NFIA: variants seen among roughly 807,000 people sequenced by gnomAD.
NFIA encodes nuclear factor I A.
In NFIA, 8 loss-of-function variants were observed where a neutral mutation model predicts 62.8. That is an observed-to-expected ratio of 0.13 (90% CI 0.07 to 0.23). The LOEUF (loss-of-function observed/expected upper bound fraction) is 0.23. NFIA is among the 10% of genes least tolerant of loss of function. The probability of loss-of-function intolerance (pLI) is 1.00; values close to 1 mark genes in which losing one functional copy is unlikely to be tolerated. For missense variants in NFIA, 410 were observed against 642.1 expected (o/e 0.64, Z 3.91); for synonymous variants, 235 against 238.1 (o/e 0.99, Z 0.12).
At chr1:61,417,843 A>G (rs569696881) in intron 9 of NFIA, among the ~76,000 whole-genome samples, 10 of 152,270 alleles carry the variant, frequency 6.6e-5, no homozygotes, top group Non-Finnish European at 1.0e-4. Context: ...AAGCCTCTCC[A>G]TAGGGATCAC....
At chr1:61,253,335 A>T (rs1392048225) in intron 2 of NFIA, 1 of 152,400 alleles carries the variant, frequency 6.6e-6, no homozygotes, top group African/African-American at 2.4e-5. Context: ...AAGCAAGTCA[A>T]CATCTCCAGT....
At chr1:61,327,179 G>A (rs558736043) in intron 3 of NFIA, among the ~76,000 whole-genome samples, 8 of 149,732 alleles carry the variant, frequency 5.3e-5, no homozygotes, top group South Asian at 4.2e-4. Context: ...CTATATTGCT[G>A]CAAATGAGAC....
intron 3 of NFIA, among the ~76,000 whole-genome samples, chr1:61,306,885 A>C (rs1049559072): frequency 6.6e-6 from 1 of 152,200 alleles, no homozygotes; most frequent in Non-Finnish European, 1.5e-5. Flanking sequence ...AAGAAGAGTC[A>C]CACTAAGCCA....
At chr1:61,190,085 A>G (rs1239935987) in intron 2 of NFIA, among the ~76,000 whole-genome samples, 1 of 152,226 alleles carries the variant, frequency 6.6e-6, no homozygotes, top group Non-Finnish European at 1.5e-5. Flanking sequence ...GCAATGTGGC[A>G]CACAGGTAGC....
intron 2 of NFIA, among the ~76,000 whole-genome samples, chr1:61,209,949 T>G (rs938078599): frequency 1.3e-5 from 2 of 152,202 alleles, no homozygotes; most frequent in Non-Finnish European, 2.9e-5. Context: ...CCAAAAATAA[T>G]TAACATTAAC....
At chr1:61,381,579 A>C (rs1321406140) in intron 6 of NFIA, among the ~76,000 whole-genome samples, 1 of 152,224 alleles carries the variant, frequency 6.6e-6, no homozygotes, top group Non-Finnish European at 1.5e-5. Context: ...TGTTGTACTT[A>C]TATCTGACTA....
intron 3 of NFIA, among the ~76,000 whole-genome samples, chr1:61,332,100 T>C (rs1056754375): frequency 1.3e-5 from 2 of 152,226 alleles, no homozygotes; most frequent in Non-Finnish European, 2.9e-5. Flanking sequence ...GATAACTAAT[T>C]CCAATCAAAT....
At chr1:61,160,618 A>C (rs984175852) in intron 2 of NFIA, among the ~76,000 whole-genome samples, 6 of 152,122 alleles carry the variant, frequency 3.9e-5, no homozygotes, top group African/African-American at 1.4e-4. Context: ...TTAAAACCTC[A>C]CCTCTCTGGA....
intron 10 of NFIA, among the ~76,000 whole-genome samples, chr1:61,444,389 G>A (rs182879687): frequency 1.5e-3 from 230 of 152,298 alleles, no homozygotes; most frequent in African/African-American, 4.9e-3. Context: ...CTCTGAGTCT[G>A]AAATGCCTGA....
At chr1:61,212,299 C>T (rs1435369584) in intron 2 of NFIA, among the ~76,000 whole-genome samples, 1 of 152,070 alleles carries the variant, frequency 6.6e-6, no homozygotes, top group Admixed American at 6.6e-5. Flanking sequence ...GCTTATTTTT[C>T]TAGACAATTA....
chr1:61,090,596 A>G (rs1171659034), intron 2 of NFIA, among the ~76,000 whole-genome samples: 1 of 152,190 alleles, frequency 6.6e-6, no homozygotes, highest in African/African-American at 2.4e-5. Context: ...TGGTTGTTGC[A>G]ATGCCTGAAG....
intron 3 of NFIA, among the ~76,000 whole-genome samples, chr1:61,288,644 G>A (rs1228303769): frequency 6.6e-6 from 1 of 152,196 alleles, no homozygotes; most frequent in Non-Finnish European, 1.5e-5. Flanking sequence ...TGTCCTGATA[G>A]GACAAGAGAT....
chr1:61,217,914 A>G (rs1653748949), intron 2 of NFIA, among the ~76,000 whole-genome samples: 1 of 152,208 alleles, frequency 6.6e-6, no homozygotes, highest in African/African-American at 2.4e-5. Context: ...GGCAGTTGTC[A>G]TACCTATATT....
chr1:61,365,631 A>G (rs540702550), intron 6 of NFIA, among the ~76,000 whole-genome samples: 1 of 152,288 alleles, frequency 6.6e-6, no homozygotes, highest in Admixed American at 6.5e-5. Context: ...AAGTTGTTGA[A>G]TCCTTATTAA....
chr1:61,178,117 C>T (rs1187084733), intron 2 of NFIA, among the ~76,000 whole-genome samples: 1 of 152,150 alleles, frequency 6.6e-6, no homozygotes, highest in African/African-American at 2.4e-5. Flanking sequence ...TGGCTTTGCA[C>T]TTTGAAAATT....
intron 2 of NFIA, among the ~76,000 whole-genome samples, chr1:61,271,841 T>C (rs1657526804): frequency 6.6e-6 from 1 of 152,230 alleles, no homozygotes; most frequent in Non-Finnish European, 1.5e-5. Context: ...GTTATAAAGA[T>C]GAAATTTTGT....
At chr1:61,090,091 T>C (rs1273300235) in intron 2 of NFIA, among the ~76,000 whole-genome samples, 1 of 152,224 alleles carries the variant, frequency 6.6e-6, no homozygotes, top group African/African-American at 2.4e-5. Context: ...TCAAGTGACC[T>C]CTAAGCAGGA....
chr1:61,287,656 A>AC lies in NFIA; in HGVS notation c.625+10079dup, dbSNP rs201990266. ...CCGTGACAGAGCAAGACTGTCCCCA[A>AC]CCCCCCCCAAAAAAAACAAGATGCC... On this transcript the variant is annotated intron_variant, in intron 3 of 10. Transcript: ENST00000403491. Among the ~76,000 whole-genome samples, 408 of 150,828 alleles carry AC rather than the reference A, an allele frequency of 2.7e-3. 7 individuals carry two copies. The East Asian group carries it at 0.044, about 16-fold the overall frequency.
intron 2 of NFIA, among the ~76,000 whole-genome samples, chr1:61,196,733 G>C (rs1238806005): frequency 6.6e-6 from 1 of 152,140 alleles, no homozygotes; most frequent in African/African-American, 2.4e-5. Flanking sequence ...GTTGTCTGAA[G>C]CCTGAAACGG....
Sources: allele counts gnomAD v4.1 joint callset (sites outside exome capture counted in the v4.1 genomes callset), GRCh38; gene constraint gnomAD v4.1.1; transcripts MANE v1.5; gene names NCBI Gene and HGNC (gene_info 2026-07-23, HGNC 2026-07-21).